The following PSD3 variants were observed in gnomAD, a reference collection of about 807,000 sequenced individuals.
The protein encoded by PSD3 is pleckstrin and Sec7 domain containing 3.
A neutral mutation model predicts 105.5 loss-of-function variants in PSD3; 49 were observed. That is an observed-to-expected ratio of 0.46 (90% confidence interval 0.37 to 0.59). The LOEUF is 0.59. Ranked by LOEUF, PSD3 falls within the 20% of genes least tolerant of loss-of-function variation. The pLI is 0.00. For synonymous variants in PSD3, 557 were observed against 457.8 expected (o/e 1.22, Z -2.77); for missense variants, 1,561 against 1,263.8 (o/e 1.24, Z -3.57).
At chr8:18,869,680 G>T (rs1337441067) in intron 3 of PSD3, among the ~76,000 whole-genome samples, 1 of 152,204 alleles carries the variant, frequency 6.6e-6, no homozygotes, top group Non-Finnish European at 1.5e-5. Context: ...TCACGTCTCA[G>T]TGTAATTTCC....
At chr8:18,771,979 A>AT (rs1807583178) in intron 8 of PSD3, among the ~76,000 whole-genome samples, 1 of 152,096 alleles carries the variant, frequency 6.6e-6, no homozygotes. Context: ...ATGGAATCAT[A>AT]TTTTTTCTTT....
At chr8:19,054,178 T>C (rs1586672839) in intron 1 of PSD3, among the ~76,000 whole-genome samples, 1 of 152,212 alleles carries the variant, frequency 6.6e-6, no homozygotes, top group Admixed American at 6.5e-5. Context: ...ACATGTTGAA[T>C]TGATGGAGTC....
intron 4 of PSD3, among the ~76,000 whole-genome samples, chr8:18,819,575 AT>A (rs746931460): frequency 0.07 from 7,789 of 110,814 alleles, 120 homozygotes; most frequent in African/African-American, 0.091. Context: ...ATTAGAATGG[AT>A]TTTTTTTTTT....
intron 1 of PSD3, among the ~76,000 whole-genome samples, chr8:18,952,193 C>G (rs1823280914): frequency 6.6e-6 from 1 of 152,142 alleles, no homozygotes; most frequent in Non-Finnish European, 1.5e-5. Flanking sequence ...CGTCTACATC[C>G]TACTCCTCCC....
intron 4 of PSD3, among the ~76,000 whole-genome samples, chr8:18,808,454 C>G (rs912090412): frequency 6.6e-6 from 1 of 152,178 alleles, no homozygotes; most frequent in African/African-American, 2.4e-5. Flanking sequence ...CATTCCATTC[C>G]TCATGTTACT....
At chr8:18,940,403 C>T (rs1048690794) in intron 1 of PSD3, 3 of 152,154 alleles carry the variant, frequency 2.0e-5, no homozygotes, top group Non-Finnish European at 4.4e-5. Context: ...GGCTTGAAGG[C>T]GCTAAAGCTT....
intron 2 of PSD3, among the ~76,000 whole-genome samples, chr8:18,875,572 C>T (rs1262526941): frequency 1.3e-5 from 2 of 151,632 alleles, no homozygotes; most frequent in Non-Finnish European, 2.9e-5. Context: ...AGTCTTGCTC[C>T]GTCACCCAGG....
intron 1 of PSD3, among the ~76,000 whole-genome samples, chr8:19,070,600 T>A (rs1358630170): frequency 1.3e-5 from 2 of 152,036 alleles, no homozygotes; most frequent in African/African-American, 4.8e-5. Context: ...ATCGCTTAAA[T>A]CTGGGAGGCG....
chr8:18,690,799 A>G (rs1244825959), intron 9 of PSD3, among the ~76,000 whole-genome samples: 1 of 152,206 alleles, frequency 6.6e-6, no homozygotes, highest in African/African-American at 2.4e-5. Context: ...CTGCTGAACC[A>G]GCTTCAGAGC....
At chr8:19,005,766 G>C (rs1250490132) in intron 1 of PSD3, among the ~76,000 whole-genome samples, 3 of 151,988 alleles carry the variant, frequency 2.0e-5, no homozygotes, top group African/African-American at 4.8e-5. Context: ...TGAGATTACA[G>C]GTGTGAGCCA....
intron 9 of PSD3, among the ~76,000 whole-genome samples, chr8:18,707,458 G>C (rs1585682215): frequency 2.0e-5 from 3 of 152,298 alleles, no homozygotes; most frequent in African/African-American, 4.8e-5. Flanking sequence ...TGGCAGATTG[G>C]AGGATTGGGA....
At chr8:18,737,200 A>C (rs1804215459) in intron 9 of PSD3, among the ~76,000 whole-genome samples, 1 of 152,180 alleles carries the variant, frequency 6.6e-6, no homozygotes, top group African/African-American at 2.4e-5. Context: ...TGTCCCAGGT[A>C]GTTCTAACAT....
At chr8:18,921,016 A>G (rs1360096837) in intron 2 of PSD3, among the ~76,000 whole-genome samples, 1 of 152,218 alleles carries the variant, frequency 6.6e-6, no homozygotes, top group African/African-American at 2.4e-5. Context: ...AAATTCTACC[A>G]TAACAGAAAT....
At chr8:18,829,180 T>C (rs1248122012) in intron 4 of PSD3, among the ~76,000 whole-genome samples, 2 of 152,146 alleles carry the variant, frequency 1.3e-5, no homozygotes, top group African/African-American at 4.8e-5. Context: ...GCACAGGCTG[T>C]AGTAAGCTGT....
At chr8:18,618,291 T>C (rs927554993) in intron 11 of PSD3, among the ~76,000 whole-genome samples, 2 of 148,140 alleles carry the variant, frequency 1.4e-5, no homozygotes, top group East Asian at 1.9e-4. Flanking sequence ...ATTTATGTCT[T>C]TGCCTATAAC....
At chr8:18,844,422 CT>C (rs1447521212) in intron 4 of PSD3, among the ~76,000 whole-genome samples, 1 of 152,054 alleles carries the variant, frequency 6.6e-6, no homozygotes, top group Admixed American at 6.6e-5. Flanking sequence ...GATCTAACAC[CT>C]TTCCTCTTTT....
chr8:18,730,977 A>G lies in PSD3; in HGVS notation c.2172+34472T>C, dbSNP rs181051537. On this transcript the variant is annotated intron_variant, in intron 9 of 15. Transcript: ENST00000327040. The stretch of plus-strand genomic sequence containing the variant: ...TTTTAAATAAAACTTTAAAAAGATA[A>G]TTTCTTTCTAAAAGTCATTCCAATC... 5.0e-3 allele frequency among the ~76,000 whole-genome samples: 765 copies of G among 152,322 alleles called. 5 individuals are homozygous for G. The highest frequency in any genetic ancestry group is 8.4e-3 in the Non-Finnish European group (572 of 68,028).
intron 4 of PSD3, among the ~76,000 whole-genome samples, chr8:18,847,431 C>G (rs1563340568): frequency 6.6e-6 from 1 of 152,192 alleles, no homozygotes; most frequent in East Asian, 1.9e-4. Context: ...TCCCCTTGCT[C>G]TGCCTTAATC....
intron 14 of PSD3, among the ~76,000 whole-genome samples, chr8:18,559,532 AAATAATTAGAATCC>A (rs1355623833): frequency 2.6e-5 from 4 of 152,294 alleles, no homozygotes; most frequent in Admixed American, 6.5e-5. Flanking sequence ...TGTGGTTAGG[AAATAATTAGAATCC>A]AATAATTAGA....
Sources: gnomAD v4.1 joint callset for allele counts (sites outside exome capture counted in the v4.1 genomes callset) on GRCh38, gnomAD v4.1.1 for gene constraint, MANE v1.5 for transcripts, NCBI Gene and HGNC (gene_info 2026-07-23, HGNC 2026-07-21) for gene names.